Variants in STXBP4 observed in about 807,000 individuals in gnomAD.
The protein encoded by STXBP4 is syntaxin binding protein 4.
A neutral mutation model predicts 76.1 loss-of-function variants in STXBP4; 55 were observed. That is an observed-to-expected ratio of 0.72 (90% CI 0.58 to 0.91). The LOEUF is 0.91. STXBP4 is among the 40% of genes least tolerant of loss of function. The pLI, the probability that STXBP4 is intolerant of heterozygous loss-of-function variation, is 0.00. For synonymous variants in STXBP4, 201 were observed against 220.2 expected (o/e 0.91, Z 0.77); for missense variants, 618 against 636.9 (o/e 0.97, Z 0.32).
chr17:54,989,926 T>C (rs1437256951), intron 3 of STXBP4, among the ~76,000 whole-genome samples: 2 of 152,242 alleles, frequency 1.3e-5, no homozygotes, highest in Admixed American at 1.3e-4. Flanking sequence ...CAAATGGAAG[T>C]CATATTTACT....
At chr17:55,147,731 A>C (rs2080173186) in intron 17 of STXBP4, among the ~76,000 whole-genome samples, 1 of 152,256 alleles carries the variant, frequency 6.6e-6, no homozygotes, top group Non-Finnish European at 1.5e-5. Flanking sequence ...TGAATAAAAC[A>C]AAAGTTTCTG....
At chr17:55,048,113 G>A (rs2078814191) in intron 12 of STXBP4, among the ~76,000 whole-genome samples, 1 of 151,778 alleles carries the variant, frequency 6.6e-6, no homozygotes, top group Non-Finnish European at 1.5e-5. Context: ...GAGACTTCAA[G>A]GTATGAATGC....
At chr17:55,155,652 A>G (rs951481199) in intron 17 of STXBP4, among the ~76,000 whole-genome samples, 2 of 152,116 alleles carry the variant, frequency 1.3e-5, no homozygotes, top group African/African-American at 4.8e-5. Context: ...GATTAACAAA[A>G]GAATGTCTTT....
rs143354224 is a variant in STXBP4, at chr17:55,031,087, C to T, written c.667-81C>T. The T allele has an allele frequency of 1.0e-5, 11 of 1,064,710 alleles. No individual in the cohort carries two copies. In the East Asian group the frequency reaches 2.8e-4, roughly 27 times the overall value. The allele number at this position is 1,064,710 out of a possible 1,614,324, so 66.0% of individuals were successfully genotyped here. A position where few individuals can be genotyped will look rare whatever the true frequency, so the allele number is the denominator to read the frequency against. On this transcript the variant is annotated intron_variant, in intron 8 of 17. Coordinates refer to ENST00000376352, the MANE Select transcript of STXBP4 (RefSeq NM_178509.6). Reference sequence around the variant, plus strand: ...CTGTTTCTGGTATTGATTATTTTCCCTGGGTTGTAAAGTTTGTAATGAAAA... The same window carrying T: ...CTGTTTCTGGTATTGATTATTTTCCTTGGGTTGTAAAGTTTGTAATGAAAA...
intron 8 of STXBP4, among the ~76,000 whole-genome samples, chr17:55,019,423 A>G (rs1206099872): frequency 1.3e-5 from 2 of 152,174 alleles, no homozygotes; most frequent in South Asian, 2.1e-4. Flanking sequence ...ACAAAGCTCT[A>G]CAATACATTA....
At chr17:54,972,949 G>A (rs148135326) in intron 1 of STXBP4, among the ~76,000 whole-genome samples, 68 of 152,294 alleles carry the variant, frequency 4.5e-4, no homozygotes, top group African/African-American at 1.5e-3. Context: ...CCAAAGCTGA[G>A]TATTAAATAT....
rs1003987127 is a variant in STXBP4, at chr17:55,170,388, A to G, written c.*10477A>G. 6.6e-6 allele frequency: 1 copy of G among 152,214 alleles called. No individual in the cohort carries two copies. The highest frequency in any genetic ancestry group is 1.5e-5 in the Non-Finnish European group (1 of 68,022). The allele number at this position is 152,214 out of a possible 1,614,324, so 9.4% of individuals were successfully genotyped here. On this transcript the variant is annotated 3_prime_UTR_variant, in exon 18 of 18. Transcript: ENST00000376352. ...GTAATAACAGGAAACAGATCTGTAT[A>G]CAATATAAAACCAACAGTATTGTAT...
intron 8 of STXBP4, among the ~76,000 whole-genome samples, chr17:55,014,887 G>A (rs2078177762): frequency 1.3e-5 from 2 of 151,844 alleles, no homozygotes; most frequent in African/African-American, 4.8e-5. Flanking sequence ...AAGTCCGCTT[G>A]CCTGAGGGCC....
chr17:54,988,085 T>C (rs2077653074), intron 3 of STXBP4, among the ~76,000 whole-genome samples: 1 of 152,166 alleles, frequency 6.6e-6, no homozygotes, highest in African/African-American at 2.4e-5. Context: ...AAATTTATGT[T>C]TAAGAAGAAC....
intron 4 of STXBP4, among the ~76,000 whole-genome samples, chr17:54,998,372 A>G (rs1418407943): frequency 1.3e-5 from 2 of 152,228 alleles, no homozygotes; most frequent in African/African-American, 4.8e-5. Flanking sequence ...TAAATAGGGA[A>G]ATACCTTAGG....
the STXBP4 span, among the ~76,000 whole-genome samples, chr17:55,179,708 G>A: frequency 6.6e-6 from 1 of 152,014 alleles, no homozygotes; most frequent in African/African-American, 2.4e-5. Context: ...CACTTAATGA[G>A]TAGTAAATGT....
At position 55,086,621 on chromosome 17, in the gene STXBP4, G is replaced by A. The variant is rs964539292; in HGVS notation, c.1489+5438G>A. On this transcript the variant is annotated intron_variant, in intron 16 of 17. Coordinates refer to ENST00000376352, the MANE Select transcript of STXBP4 (RefSeq NM_178509.6). Reference sequence around the variant, plus strand: ...TTCCGTGAGATCAACTTTTTTATTCGTATATGGAGACACGCACACATACCA... The same window carrying A: ...TTCCGTGAGATCAACTTTTTTATTCATATATGGAGACACGCACACATACCA... 7.3e-5 allele frequency among the ~76,000 whole-genome samples: 11 copies of A among 151,620 alleles called. 1 individual carries two copies. The highest frequency in any genetic ancestry group is 4.2e-4 in the South Asian group (2 of 4,794).
At chr17:55,073,668 G>T (rs143338476) in intron 13 of STXBP4, among the ~76,000 whole-genome samples, 1 of 152,088 alleles carries the variant, frequency 6.6e-6, no homozygotes, top group Non-Finnish European at 1.5e-5. Context: ...CACTCTTGTC[G>T]CCCAGGCTGG....
At chr17:54,980,934 CG>C (rs2077542335) in intron 1 of STXBP4, among the ~76,000 whole-genome samples, 1 of 102,196 alleles carries the variant, frequency 9.8e-6, no homozygotes, top group South Asian at 2.9e-4. Flanking sequence ...GATTTTTTTG[CG>C]TTTTTTTTTT....
At chr17:55,017,465 G>C (rs772587105) in intron 8 of STXBP4, among the ~76,000 whole-genome samples, 8 of 152,132 alleles carry the variant, frequency 5.3e-5, no homozygotes, top group Non-Finnish European at 8.8e-5. Context: ...GATCCCTTTG[G>C]AGATACAACT....
At chr17:55,054,360 A>G (rs938137178) in intron 12 of STXBP4, among the ~76,000 whole-genome samples, 1 of 152,112 alleles carries the variant, frequency 6.6e-6, no homozygotes, top group African/African-American at 2.4e-5. Flanking sequence ...ATGGTAGCAC[A>G]TGCCTGTCAT....
At position 55,090,855 on chromosome 17, in the gene STXBP4, C is replaced by G. The variant is rs72833282; in HGVS notation, c.1489+9672C>G. Among the ~76,000 whole-genome samples the G allele has an allele frequency of 3.2e-3, 468 of 147,362 alleles. 3 individuals are homozygous for G. Among genetic ancestry groups the G allele is most frequent in the East Asian group, 0.022 (107 of 4,976 alleles). ...TTAAATTGTGTGTGTGTGTGTGTGT[C>G]TGTGTGTGTGTGTGTGTGTGTGTGT... is the stretch of plus-strand genomic sequence containing the variant. On this transcript the variant is annotated intron_variant, in intron 16 of 17. Transcript: ENST00000376352.
intron 1 of STXBP4, among the ~76,000 whole-genome samples, chr17:54,978,764 A>G (rs571770161): frequency 1.3e-5 from 2 of 152,310 alleles, no homozygotes; most frequent in African/African-American, 4.8e-5. Flanking sequence ...AATAACTTAA[A>G]GAAGGAAATA....
chr17:54,999,936 T>TAAA (rs1295651375), intron 6 of STXBP4, 94 bp downstream of exon 6: 21 of 868,672 alleles, frequency 2.4e-5, no homozygotes, highest in Non-Finnish European at 2.9e-5. Context: ...ATTATTTCAG[T>TAAA]AAAATTGTTA....
Sources: gnomAD v4.1 joint callset for allele counts (sites outside exome capture counted in the v4.1 genomes callset) on GRCh38, gnomAD v4.1.1 for gene constraint, MANE v1.5 for transcripts, NCBI Gene and HGNC (gene_info 2026-07-23, HGNC 2026-07-21) for gene names.